Variants in ADH5 observed in about 807,000 individuals in gnomAD.
ADH5 encodes alcohol dehydrogenase 5 (class III), chi polypeptide.
Under a neutral mutation model 40.3 loss-of-function variants are expected in ADH5, and 32 were observed. That is an observed-to-expected ratio of 0.79 (90% CI 0.60 to 1.07). The LOEUF (loss-of-function observed/expected upper bound fraction) is 1.07, where lower values mean the gene tolerates loss of function less well. Among genes scored for constraint, ADH5 ranks in the 50% least tolerant of loss-of-function variants. The pLI is 0.00. For missense variants in ADH5, 353 were observed against 460.5 expected, an observed-to-expected ratio of 0.77 and a Z score of 2.14; for synonymous variants, 125 against 154.3, an observed-to-expected ratio of 0.81 and a Z score of 1.41.
In ADH5 at chr4:99,071,090, T is replaced by C. The variant is rs969834779; in HGVS notation, c.*1327A>G. 1.3e-5 allele frequency: 2 copies of C among 152,202 alleles called. No homozygotes were observed. Among genetic ancestry groups the C allele is most frequent in the Non-Finnish European group, 2.9e-5 (2 of 68,036 alleles). The allele number at this position is 152,202 out of a possible 1,614,324, so 9.4% of individuals were successfully genotyped here. A position where few individuals can be genotyped will look rare whatever the true frequency, so the allele number is the denominator to read the frequency against. ...ATATAAAACTGACAAATGATTGATGTCTAGAATAAAAGAACTCCTAAAAAT... is the reference window on the plus strand; with the variant it reads ...ATATAAAACTGACAAATGATTGATGCCTAGAATAAAAGAACTCCTAAAAAT... On this transcript the variant is annotated 3_prime_UTR_variant, in exon 9 of 9. Coordinates refer to ENST00000296412, the MANE Select transcript of ADH5 (RefSeq NM_000671.4).
intron 1 of ADH5, among the ~76,000 whole-genome samples, chr4:99,086,037 AAAACAAAC>A (rs77642031): frequency 6.6e-6 from 1 of 150,712 alleles, no homozygotes; most frequent in Non-Finnish European, 1.5e-5. Flanking sequence ...ACATCGTCTC[AAAACAAAC>A]AAACAAACAA....
rs1256016149 is a variant in ADH5 at position 99,074,682 on chromosome 4, C to T, written c.961+232G>A. Among the ~76,000 whole-genome samples the T allele has an allele frequency of 7.5e-5, 8 of 107,284 alleles. No individual in the cohort carries two copies. In the Admixed American group the frequency reaches 8.3e-4, roughly 11 times the overall value. The allele number at this position is 107,284 out of a possible 152,430, so 70.4% of individuals were successfully genotyped here. On this transcript the variant is annotated intron_variant, in intron 7 of 8. Transcript: ENST00000296412. ...ATATTTTTCTTTTATAGAATATGCA[C>T]CAAGTGGTCCTATGTTTCAGGTGAG...
intron 4 of ADH5, chr4:99,080,781 T>C (rs6852848): frequency 6.5e-6 from 1 of 153,764 alleles, no homozygotes; most frequent in African/African-American, 2.4e-5. Flanking sequence ...AAACCACTGA[T>C]GTACAATGCA....
In ADH5 at chr4:99,088,713, T is replaced by C; in HGVS notation, c.-13A>G. 4 of 1,520,342 alleles carry C rather than the reference T, an allele frequency of 2.6e-6. No individual in the cohort carries two copies. Among genetic ancestry groups the C allele is most frequent in the Non-Finnish European group, 3.6e-6 (4 of 1,124,342 alleles). The allele number at this position is 1,520,342 out of a possible 1,614,324, so 94.2% of individuals were successfully genotyped here. On this transcript the variant is annotated 5_prime_UTR_variant, in exon 1 of 9. Transcript: ENST00000296412. ...CCTCGTTCGCCATGTTCACGGATTC[T>C]GGTCGGCGCGGGGGGCTGACATCCG... is the stretch of plus-strand genomic sequence containing the variant.
intron 4 of ADH5, among the ~76,000 whole-genome samples, chr4:99,079,636 A>G (rs1219433028): frequency 1.3e-5 from 2 of 151,738 alleles, no homozygotes; most frequent in Non-Finnish European, 2.9e-5. Context: ...TGCATGCTCT[A>G]CTTCAATTAA....
chr4:99,074,606 A>C (rs1050298174), intron 7 of ADH5, among the ~76,000 whole-genome samples: 2 of 152,186 alleles, frequency 1.3e-5, no homozygotes, highest in Non-Finnish European at 1.5e-5. Flanking sequence ...TTTGCAATCA[A>C]CTTCCTGTCC....
intron 1 of ADH5, chr4:99,085,546 T>C (rs1728118965): frequency 3.1e-6 from 1 of 324,758 alleles, no homozygotes; most frequent in African/African-American, 2.1e-5. Flanking sequence ...AGGTCTGGCA[T>C]GGGGTCCAAG....
intron 1 of ADH5, among the ~76,000 whole-genome samples, chr4:99,087,723 G>A (rs540657682): frequency 1.3e-4 from 20 of 152,046 alleles, no homozygotes; most frequent in Non-Finnish European, 2.6e-4. Context: ...CTCTAAATCC[G>A]CGGGAAATGG....
intron 2 of ADH5, among the ~76,000 whole-genome samples, chr4:99,083,758 T>C (rs1415424971): frequency 6.6e-6 from 1 of 152,136 alleles, no homozygotes; most frequent in Non-Finnish European, 1.5e-5. Context: ...ACAGCTCTTT[T>C]TTGCTGTGAC....
chr4:99,076,535 A>C lies in ADH5; in HGVS notation c.582T>G (p.Val194=). 6.2e-7 allele frequency: 1 copy of C among 1,613,800 alleles called. No homozygotes were observed. Among genetic ancestry groups the C allele is most frequent in the Non-Finnish European group, 8.5e-7 (1 of 1,179,796 alleles). The change falls in exon 6 of 9, where the codon GTT becomes GTG. Residue 194 remains valine, a synonymous_variant. Coordinates refer to ENST00000296412, the MANE Select transcript of ADH5 (RefSeq NM_000671.4). ...VNTAKLEPGS[V]CAVFGLGGVG... is the part of the protein sequence containing the mutation. ...CTCCTCCCAGACCAAAGACGGCACA[A>C]ACAGAGCCAGGCTCCAACTAGGAGT... is the stretch of plus-strand genomic sequence containing the variant.
intron 4 of ADH5, 149 bp downstream of exon 4, chr4:99,081,216 T>C: frequency 1.6e-6 from 1 of 615,578 alleles, no homozygotes; most frequent in Non-Finnish European, 2.9e-6. Flanking sequence ...GCTTGACTCT[T>C]TGTTCGGGAC....
intron 4 of ADH5, among the ~76,000 whole-genome samples, chr4:99,079,506 G>A (rs1047955093): frequency 3.3e-5 from 5 of 152,152 alleles, no homozygotes; most frequent in Admixed American, 2.0e-4. Flanking sequence ...GGAGCTTATC[G>A]GGTGCTGGCA....
chr4:99,076,109 C>T (rs1430900879), intron 6 of ADH5, 183 bp downstream of exon 6: 2 of 611,136 alleles, frequency 3.3e-6, no homozygotes, highest in Admixed American at 6.1e-5. Flanking sequence ...TTTTCTCATC[C>T]TTCCCTGAGC....
chr4:99,082,373 C>G (rs1728042130), intron 2 of ADH5, among the ~76,000 whole-genome samples: 1 of 152,076 alleles, frequency 6.6e-6, no homozygotes, highest in South Asian at 2.1e-4. Flanking sequence ...ACATCTAGTC[C>G]CCCTTTCAGC....
rs1035394944 is a variant in ADH5, at chr4:99,071,851, A to G, written c.*566T>C. ...GAATGCTGTTTCAATAATACATTTT[A>G]GTGCCCCCTGAAGGGCAGATGCCAT... On this transcript the variant is annotated 3_prime_UTR_variant, in exon 9 of 9. Transcript: ENST00000296412. The G allele has an allele frequency of 2.0e-5, 3 of 152,902 alleles. No homozygotes were observed. The highest frequency in any genetic ancestry group is 7.2e-5 in the African/African-American group (3 of 41,490). 9.5% of individuals were successfully genotyped at this position (152,902 alleles called of 1,614,324 possible). A position where few individuals can be genotyped will look rare whatever the true frequency, so the allele number is the denominator to read the frequency against.
chr4:99,081,188 C>T (rs991912783), intron 4 of ADH5, among the ~76,000 whole-genome samples, 177 bp downstream of exon 4: 9 of 151,910 alleles, frequency 5.9e-5, no homozygotes, highest in Admixed American at 3.3e-4. Context: ...CCCCACCCCA[C>T]GAAATGCTTA....
intron 1 of ADH5, 148 bp from the exon 2 acceptor site, chr4:99,085,364 G>C (rs1728115025): frequency 2.2e-6 from 1 of 444,766 alleles, no homozygotes; most frequent in African/African-American, 2.0e-5. Flanking sequence ...TATGTTTTTA[G>C]ATTTCACACA....
At position 99,076,517 on chromosome 4, in the gene ADH5, CA is replaced by C. The variant is rs1358832698; in HGVS notation, c.599del (p.Leu200ArgfsTer58). The C allele has an allele frequency of 1.9e-6, 3 of 1,613,980 alleles. No individual in the cohort carries two copies. The highest frequency in any genetic ancestry group is 2.5e-6 in the Non-Finnish European group (3 of 1,179,956). On this transcript the variant is annotated frameshift_variant, in exon 6 of 9. Coordinates refer to ENST00000296412, the MANE Select transcript of ADH5 (RefSeq NM_000671.4). LOFTEE classifies it high-confidence loss of function. Reference protein sequence around the residue: ...EPGSVCAVFGLGGVGLAVIMG... With the variant: ...EPGSVCAVFGXGGVGLAVIMG... ...TGATAACTGCCAATCCGACTCCTCC[CA>C]GACCAAAGACGGCACAAACAGAGCC...
At position 99,076,806 on chromosome 4, in the gene ADH5, A is replaced by G. The variant is rs764795373; in HGVS notation, c.462T>C (p.Asp154=). Residue 154 remains aspartate, a synonymous_variant, in exon 5 of 9, where the codon GAT becomes GAC. Coordinates refer to ENST00000296412, the MANE Select transcript of ADH5 (RefSeq NM_000671.4). ...AAGGATCTATTTTAGCAACAGAGATATCAGCCACAACTGTGTATTCAGAAA... is the reference window on the plus strand; with the variant it reads ...AAGGATCTATTTTAGCAACAGAGATGTCAGCCACAACTGTGTATTCAGAAA... ...STFSEYTVVA[D]ISVAKIDPLA... 6.2e-7 allele frequency: 1 copy of G among 1,614,058 alleles called. No homozygotes were observed. The highest frequency in any genetic ancestry group is 8.5e-7 in the Non-Finnish European group (1 of 1,179,882).
Sources: allele counts gnomAD v4.1 joint callset (sites outside exome capture counted in the v4.1 genomes callset), GRCh38; gene constraint gnomAD v4.1.1; transcripts MANE v1.5; gene names NCBI Gene and HGNC (gene_info 2026-07-23, HGNC 2026-07-21).